PPP4R3A: variants seen among roughly 807,000 people sequenced by gnomAD.
PPP4R3A encodes the protein serine/threonine-protein phosphatase 4 regulatory subunit 3A.
PPP4R3A carries 15 observed loss-of-function variants against 91.7 expected under a neutral mutation model. The observed-to-expected ratio is 0.16, with a 90% confidence interval of 0.11 to 0.25. The LOEUF (loss-of-function observed/expected upper bound fraction) is 0.25. Ranked by LOEUF, PPP4R3A falls within the 10% of genes least tolerant of loss-of-function variation. The pLI, the probability that PPP4R3A is intolerant of heterozygous loss-of-function variation, is 1.00. For missense variants in PPP4R3A, 623 were observed against 998.4 expected (o/e 0.62, Z 5.07); for synonymous variants, 377 against 348.7 (o/e 1.08, Z -0.91).
chr14:91,507,416 T>C (rs61990528), intron 1 of PPP4R3A, among the ~76,000 whole-genome samples: 26,555 of 97,842 alleles, frequency 0.27, 5,275 homozygotes, highest in Non-Finnish European at 0.38. Flanking sequence ...ATATATACTA[T>C]ATAATATATA....
chr14:91,461,813 CAT>C (rs1888178944), intron 13 of PPP4R3A: 1 of 856,672 alleles, frequency 1.2e-6, no homozygotes, highest in Admixed American at 3.1e-5. Flanking sequence ...CCTTCAGAAT[CAT>C]ATTTAGTATC....
At chr14:91,481,544 T>C in intron 4 of PPP4R3A, 32 bp downstream of exon 4, 1 of 1,507,304 alleles carries the variant, frequency 6.6e-7, no homozygotes, top group South Asian at 1.4e-5. Flanking sequence ...CTGCATCTCT[T>C]GAAATATGAA....
chr14:91,482,367 T>C (rs1889622579), intron 3 of PPP4R3A, among the ~76,000 whole-genome samples, 174 bp from the exon 4 acceptor site: 1 of 152,206 alleles, frequency 6.6e-6, no homozygotes, highest in Admixed American at 6.5e-5. Flanking sequence ...CTTTCAATTT[T>C]AAGGAAGTTA....
intron 11 of PPP4R3A, 94 bp from the exon 12 acceptor site, chr14:91,462,971 CTTAAT>C (rs1220087890): frequency 6.1e-6 from 6 of 979,462 alleles, no homozygotes; most frequent in African/African-American, 4.9e-5. Flanking sequence ...CCAAAAATAG[CTTAAT>C]TTAATAAAAC....
At position 91,490,741 on chromosome 14, in the gene PPP4R3A, T is replaced by C; in HGVS notation, c.198+6A>G. ...TGCAAGATAAAACACATCTTCAAAA[T>C]TTTACCTGTTGTTTCTGGTATGCAG... On this transcript the variant is annotated splice_donor_region_variant and intron_variant, in intron 2 of 14. Coordinates refer to ENST00000554943, the MANE Select transcript of PPP4R3A (RefSeq NM_001366432.2). The C allele has an allele frequency of 6.2e-7, 1 of 1,606,630 alleles. No homozygotes were observed. Among genetic ancestry groups the C allele is most frequent in the Non-Finnish European group, 8.5e-7 (1 of 1,176,244 alleles).
chr14:91,485,593 TTA>T, intron 3 of PPP4R3A, 37 bp downstream of exon 3: 1 of 1,452,876 alleles, frequency 6.9e-7, no homozygotes, highest in Non-Finnish European at 9.5e-7. Context: ...AACTAAACAC[TTA>T]AAGAAAGCAT....
chr14:91,482,170 C>T lies in PPP4R3A; in HGVS notation c.321G>A (p.Val107=), dbSNP rs1889606689. The change falls in exon 4 of 15, where the codon GTG becomes GTA. Residue 107 remains valine (V), a synonymous_variant. Transcript: ENST00000554943. The stretch of plus-strand genomic sequence containing the variant: ...CATCCACAAGGTCCTGAGTGATGTC[C>T]ACGGAAGGGTCCTTTCCTTGAACCT... The part of the protein sequence containing the change: ...ICQVQGKDPS[V]DITQDLVDES... 1 of 1,607,666 alleles carries T rather than the reference C, an allele frequency of 6.2e-7. No homozygotes were observed. The highest frequency in any genetic ancestry group is 1.3e-5 in the African/African-American group (1 of 74,516).
chr14:91,484,247 C>T (rs1281553522), intron 3 of PPP4R3A, among the ~76,000 whole-genome samples: 5 of 152,100 alleles, frequency 3.3e-5, no homozygotes, highest in Admixed American at 6.6e-5. Flanking sequence ...AAAAGCACAG[C>T]GAAGTAGAAT....
chr14:91,490,870 A>T, intron 1 of PPP4R3A, 68 bp from the exon 2 acceptor site: 3 of 730,790 alleles, frequency 4.1e-6, no homozygotes, highest in Non-Finnish European at 6.4e-6. Flanking sequence ...CCTTACATAC[A>T]CACATATTTC....
intron 14 of PPP4R3A, 46 bp from the exon 15 acceptor site, chr14:91,458,915 T>C (rs1252289240): frequency 6.5e-7 from 1 of 1,529,972 alleles, no homozygotes; most frequent in East Asian, 2.4e-5. Context: ...ATAAAACATA[T>C]AAAAACACTG....
rs1887910883 is a variant in PPP4R3A at position 91,458,564 on chromosome 14, C to T, written c.*195G>A. 5 of 785,014 alleles carry T rather than the reference C, an allele frequency of 6.4e-6. No individual in the cohort carries two copies. Among genetic ancestry groups the T allele is most frequent in the Non-Finnish European group, 1.1e-5 (5 of 458,284 alleles). 48.6% of individuals were successfully genotyped at this position (785,014 alleles called of 1,614,324 possible). On this transcript the variant is annotated 3_prime_UTR_variant, in exon 15 of 15. Transcript: ENST00000554943. Reference sequence around the variant, plus strand: ...AGCTGGAGAGCTCAAAGGCTTAAGTCTTTCCCCTAAATATATGATATCCCC... The same window carrying T: ...AGCTGGAGAGCTCAAAGGCTTAAGTTTTTCCCCTAAATATATGATATCCCC...
At position 91,476,419 on chromosome 14, in the gene PPP4R3A, C is replaced by T; in HGVS notation, c.1099G>A (p.Glu367Lys). 1 of 1,607,776 alleles carries T rather than the reference C, an allele frequency of 6.2e-7. No individual in the cohort carries two copies. Among genetic ancestry groups the T allele is most frequent in the Non-Finnish European group, 8.5e-7 (1 of 1,177,114 alleles). Residue 367 changes from glutamate to lysine, a missense_variant, in exon 6 of 15, where the codon GAA becomes AAA. By Grantham distance (56) the Glu-to-Lys change is moderately conservative. Transcript: ENST00000554943. ...GACACAAAACTTACAAGGATGACTT[C>T]TAAAGCTGGTAATATGCCCATGTTT... Reference protein sequence around the residue: ...LSNMGILPALEVILGMDDTQV... With the variant: ...LSNMGILPALKVILGMDDTQV...
Position 91,458,927 on chromosome 14 carries a change from T to C in PPP4R3A, c.2392-58A>G, listed in dbSNP as rs886630823. On this transcript the variant is annotated intron_variant, in intron 14 of 14. Transcript: ENST00000554943. ...AAAATAAAACATATAAAAACACTGG[T>C]GTTTTCTGGCTGGAGAAAGAAAATA... 4.6e-6 allele frequency: 7 copies of C among 1,511,312 alleles called. No homozygotes were observed. The Admixed American group carries it at 1.6e-4, about 34-fold the overall frequency. 93.6% of individuals were successfully genotyped at this position (1,511,312 alleles called of 1,614,324 possible). A position where few individuals can be genotyped will look rare whatever the true frequency, so the allele number is the denominator to read the frequency against.
intron 10 of PPP4R3A, among the ~76,000 whole-genome samples, chr14:91,466,737 A>G (rs1404565784): frequency 1.3e-5 from 2 of 152,160 alleles, no homozygotes; most frequent in Admixed American, 1.3e-4. Context: ...TTCCCAAAAC[A>G]ATATTTTCAG....
chr14:91,485,069 A>G (rs2140121391), intron 3 of PPP4R3A, among the ~76,000 whole-genome samples: 1 of 152,358 alleles, frequency 6.6e-6, no homozygotes, highest in Non-Finnish European at 1.5e-5. Flanking sequence ...ACAAAGAGTG[A>G]TGTAATCAGA....
chr14:91,476,266 G>C, intron 6 of PPP4R3A, 142 bp downstream of exon 6: 2 of 743,996 alleles, frequency 2.7e-6, no homozygotes, highest in South Asian at 3.5e-5. Flanking sequence ...TCTAATATTG[G>C]AATTTTACAG....
intron 10 of PPP4R3A, among the ~76,000 whole-genome samples, chr14:91,466,681 G>A (rs552536051): frequency 1.3e-5 from 2 of 152,112 alleles, no homozygotes; most frequent in African/African-American, 4.8e-5. Flanking sequence ...TAAACACTAA[G>A]AGGCATCTTT....
Position 91,465,482 on chromosome 14 carries a change from A to G in PPP4R3A, c.1661-63T>C, listed in dbSNP as rs78951728. On this transcript the variant is annotated intron_variant, in intron 10 of 14. Transcript: ENST00000554943. The stretch of plus-strand genomic sequence containing the variant: ...ACTCTTCCATACTTTAGACTTACCA[A>G]ACAAAAATAACCATCAAACCAAAAA... 334 of 1,402,132 alleles carry G rather than the reference A, an allele frequency of 2.4e-4. 4 individuals carry two copies. In the East Asian group the frequency reaches 8.2e-3, roughly 34 times the overall value. The allele number at this position is 1,402,132 out of a possible 1,614,324, so 86.9% of individuals were successfully genotyped here.
chr14:91,489,102 T>A (rs1890081002), intron 2 of PPP4R3A, among the ~76,000 whole-genome samples: 1 of 151,754 alleles, frequency 6.6e-6, no homozygotes, highest in Non-Finnish European at 1.5e-5. Context: ...AGAGACGGGG[T>A]TTCACCGTGT....
Sources: gnomAD v4.1 joint callset for allele counts (sites outside exome capture counted in the v4.1 genomes callset) on GRCh38, gnomAD v4.1.1 for gene constraint, MANE v1.5 for transcripts, NCBI Gene and HGNC (gene_info 2026-07-23, HGNC 2026-07-21) for gene names.